Variants in LY75 observed in about 807,000 individuals in gnomAD.
The protein encoded by LY75 is lymphocyte antigen 75.
In LY75, 185 loss-of-function variants were observed where a neutral mutation model predicts 231.7. The observed-to-expected ratio is 0.80, with a 90% CI of 0.71 to 0.90. LY75 has a LOEUF of 0.90. Among genes scored for constraint, LY75 ranks in the 40% least tolerant of loss-of-function variants. The pLI is 0.00. For missense variants in LY75, 1,947 were observed against 2,050.2 expected (o/e 0.95, Z 0.97); for synonymous variants, 668 against 689.0 (o/e 0.97, Z 0.48).
intron 23 of LY75, among the ~76,000 whole-genome samples, chr2:159,844,889 TA>T (rs1401681604): frequency 3.3e-5 from 5 of 151,826 alleles, no homozygotes; most frequent in Non-Finnish European, 7.4e-5. Flanking sequence ...GTGAGCACAG[TA>T]CCCAGGAGGT....
intron 25 of LY75, 128 bp from the exon 26 acceptor site, chr2:159,835,773 A>C: frequency 8.4e-7 from 1 of 1,191,148 alleles, no homozygotes; most frequent in Non-Finnish European, 1.1e-6. Context: ...CATACCATTT[A>C]CTACATAACA....
chr2:159,818,913 T>C (rs1683202776), intron 29 of LY75, among the ~76,000 whole-genome samples: 1 of 152,108 alleles, frequency 6.6e-6, no homozygotes, highest in African/African-American at 2.4e-5. Context: ...AGAGACCAGC[T>C]TGATTGAGAA....
chr2:159,821,675 C>T (rs4665122), intron 28 of LY75, among the ~76,000 whole-genome samples: 120,064 of 150,254 alleles, frequency 0.8, 48,171 homozygotes, highest in East Asian at 0.9. Context: ...CTTCATAACC[C>T]TGGGGTAAGC....
intron 3 of LY75, 27 bp from the exon 4 acceptor site, chr2:159,890,404 A>C (rs774129514): frequency 7.1e-5 from 115 of 1,610,764 alleles, no homozygotes; most frequent in Non-Finnish European, 9.6e-5. Flanking sequence ...GTTAGTGATC[A>C]TAAAGTAAGG....
intron 2 of LY75, among the ~76,000 whole-genome samples, chr2:159,898,158 G>A (rs1685954721): frequency 6.6e-6 from 1 of 152,112 alleles, no homozygotes; most frequent in Non-Finnish European, 1.5e-5. Flanking sequence ...CTGAAGTGCA[G>A]TGGCTATTCA....
rs1229616426 is a variant in LY75 at position 159,882,398 on chromosome 2, T to C, written c.1055-83A>G. 5 of 1,525,446 alleles carry C rather than the reference T, an allele frequency of 3.3e-6. 1 individual carries two copies. In the African/African-American group the frequency reaches 4.2e-5, roughly 13 times the overall value. 94.5% of individuals were successfully genotyped at this position (1,525,446 alleles called of 1,614,324 possible). On this transcript the variant is annotated intron_variant, in intron 6 of 34. Transcript: ENST00000263636. ...ACATTGCAAATTCTTTTTTCTTGAA[T>C]AATGAGAGTCCTGGAAAACTGGGGA...
intron 4 of LY75, among the ~76,000 whole-genome samples, chr2:159,887,291 T>C (rs1685621096): frequency 6.7e-6 from 1 of 150,228 alleles, no homozygotes; most frequent in Middle Eastern, 3.5e-3. Context: ...TGTTATTTGA[T>C]GACCAGATGC....
At chr2:159,869,746 G>T (rs758948188) in intron 13 of LY75, among the ~76,000 whole-genome samples, 1 of 152,164 alleles carries the variant, frequency 6.6e-6, no homozygotes, top group Non-Finnish European at 1.5e-5. Flanking sequence ...CACCAAAAAG[G>T]ACAGATTGCT....
intron 15 of LY75, among the ~76,000 whole-genome samples, chr2:159,859,373 G>A (rs898376007): frequency 2.0e-5 from 3 of 152,184 alleles, no homozygotes; most frequent in Non-Finnish European, 4.4e-5. Context: ...CCACCTTGTT[G>A]AATCTCTTTC....
In LY75 at chr2:159,882,288, C is replaced by A. The variant is rs755439053; in HGVS notation, c.1082G>T (p.Cys361Phe). The change falls in exon 7 of 35, where the codon TGT (cysteine) becomes TTT (phenylalanine). Residue 361 changes from cysteine to phenylalanine, a missense_variant. By Grantham distance (205) the Cys-to-Phe change is radical. Transcript: ENST00000263636. ...ATTATTTGGCAGCCAGCCTGCATCA[C>A]AGCGGGTATCTGAGTATGTCCAGAC... ...TDVWTYSDTR[C>F]DAGWLPNNGF... 1 of 1,613,936 alleles carries A rather than the reference C, an allele frequency of 6.2e-7. No individual in the cohort carries two copies. The highest frequency in any genetic ancestry group is 1.1e-5 in the South Asian group (1 of 91,076).
intron 29 of LY75, 64 bp from the exon 30 acceptor site, chr2:159,817,096 GAC>G: frequency 7.0e-7 from 1 of 1,435,604 alleles, no homozygotes; most frequent in South Asian, 1.5e-5. Flanking sequence ...TTTTGGATGA[GAC>G]AACATGCAAT....
chr2:159,832,353 G>C (rs1243285392), intron 27 of LY75, among the ~76,000 whole-genome samples: 5 of 152,202 alleles, frequency 3.3e-5, no homozygotes, highest in Admixed American at 3.3e-4. Context: ...AAACCCTCTT[G>C]TGAACTATGC....
Position 159,881,986 on chromosome 2 carries a change from A to G in LY75, c.1246+138T>C, listed in dbSNP as rs527550000. ...ACTAGACCAATTGTAGAACAGTTCC[A>G]TCACCAGAGACAATCCTATCTGACA... On this transcript the variant is annotated intron_variant, in intron 7 of 34. Transcript: ENST00000263636. The G allele has an allele frequency of 3.8e-6, 4 of 1,055,458 alleles. No individual in the cohort carries two copies. The South Asian group carries it at 5.2e-5, about 14-fold the overall frequency. The allele number at this position is 1,055,458 out of a possible 1,614,324, so 65.4% of individuals were successfully genotyped here.
At chr2:159,858,547 C>T (rs763678001) in intron 15 of LY75, 71 bp from the exon 16 acceptor site, 2 of 1,480,122 alleles carry the variant, frequency 1.4e-6, no homozygotes, top group Non-Finnish European at 1.8e-6. Context: ...AACTGTAAGC[C>T]CTATGACTTT....
chr2:159,864,539 C>T (rs1482374615), intron 14 of LY75, among the ~76,000 whole-genome samples: 2 of 152,056 alleles, frequency 1.3e-5, no homozygotes, highest in East Asian at 3.9e-4. Context: ...TGTTGAAAAC[C>T]AGTTGGCTAT....
intron 16 of LY75, among the ~76,000 whole-genome samples, chr2:159,855,321 G>A (rs1267724567): frequency 6.6e-6 from 1 of 152,174 alleles, no homozygotes; most frequent in Non-Finnish European, 1.5e-5. Flanking sequence ...AACGGTCATT[G>A]AAAAGGGAAG....
rs1560085044 is a variant in LY75, at chr2:159,858,420, A to G, written c.2325T>C (p.Ile775=). 6 of 1,613,700 alleles carry G rather than the reference A, an allele frequency of 3.7e-6. No homozygotes were observed. Among genetic ancestry groups the G allele is most frequent in the South Asian group, 1.1e-5 (1 of 91,010 alleles). ...TATCACAAGCAAAAGGCCTCAAATA[A>G]ATAAATTCTCTATCATCATAGAAAT... is the stretch of plus-strand genomic sequence containing the variant. ...GWHFYDDREF[I]YLRPFACDTK... Residue 775 remains isoleucine, a synonymous_variant, in exon 16 of 35, where the codon ATT becomes ATC. Coordinates refer to ENST00000263636, the MANE Select transcript of LY75 (RefSeq NM_002349.4).
At chr2:159,814,997 CTTTT>C (rs3035627) in intron 31 of LY75, among the ~76,000 whole-genome samples, 8 of 111,408 alleles carry the variant, frequency 7.2e-5, no homozygotes, top group East Asian at 5.1e-4. Flanking sequence ...GTGAATACAT[CTTTT>C]TTTTTTTTTT....
intron 16 of LY75, 59 bp from the exon 17 acceptor site, chr2:159,854,998 A>G (rs1256796413): frequency 2.5e-6 from 4 of 1,603,458 alleles, no homozygotes; most frequent in Non-Finnish European, 3.4e-6. Context: ...GGTATACTAT[A>G]AGTACGGCCT....
Sources: gnomAD v4.1 joint callset for allele counts (sites outside exome capture counted in the v4.1 genomes callset) on GRCh38, gnomAD v4.1.1 for gene constraint, MANE v1.5 for transcripts, NCBI Gene and HGNC (gene_info 2026-07-23, HGNC 2026-07-21) for gene names.